The following ALK variants were observed in gnomAD, a reference collection of about 807,000 sequenced individuals.
ALK encodes ALK receptor tyrosine kinase.
A neutral mutation model predicts 163.1 loss-of-function variants in ALK; 74 were observed. The observed-to-expected ratio is 0.45, with a 90% CI of 0.38 to 0.55. ALK has a LOEUF of 0.55. Among genes scored for constraint, ALK ranks in the 20% least tolerant of loss-of-function variants. ALK has a pLI of 0.00. For missense variants in ALK, 2,063 were observed against 2,105.3 expected (o/e 0.98, Z 0.39); for synonymous variants, 960 against 843.2 (o/e 1.14, Z -2.40).
chr2:29,290,474 G>T (rs1331229439), intron 9 of ALK, among the ~76,000 whole-genome samples: 1 of 152,126 alleles, frequency 6.6e-6, no homozygotes, highest in Non-Finnish European at 1.5e-5. Context: ...AGTTAGAGGC[G>T]GAGCAGTTAC....
chr2:29,612,564 G>C lies in ALK; in HGVS notation c.953-80448C>G, dbSNP rs547590262. 2.6e-5 allele frequency among the ~76,000 whole-genome samples: 4 copies of C among 152,262 alleles called. No homozygotes were observed. The South Asian group carries it at 8.3e-4, about 32-fold the overall frequency. The stretch of plus-strand genomic sequence containing the variant: ...CCTACCCAGAAGAGAGTTCTCCCTT[G>C]AGGTCATTCACTTTCCAATCAATGC... On this transcript the variant is annotated intron_variant, in intron 3 of 28. Transcript: ENST00000389048.
At chr2:29,215,910 G>A (rs965240793) in intron 23 of ALK, among the ~76,000 whole-genome samples, 3 of 152,202 alleles carry the variant, frequency 2.0e-5, no homozygotes, top group Non-Finnish European at 4.4e-5. Context: ...GTCTCCCTGG[G>A]TTGTCAGGAG....
At chr2:29,618,040 C>T (rs1181802751) in intron 3 of ALK, among the ~76,000 whole-genome samples, 1 of 152,152 alleles carries the variant, frequency 6.6e-6, no homozygotes, top group Non-Finnish European at 1.5e-5. Flanking sequence ...TGGCACATCC[C>T]TCCGTAGCTT....
intron 1 of ALK, among the ~76,000 whole-genome samples, chr2:29,783,755 G>A (rs1461504176): frequency 6.6e-6 from 1 of 152,176 alleles, no homozygotes; most frequent in Non-Finnish European, 1.5e-5. Context: ...CCTTTAGGGA[G>A]ACAAAGAACT....
chr2:29,333,244 C>T (rs1667503553), intron 5 of ALK, among the ~76,000 whole-genome samples: 1 of 152,112 alleles, frequency 6.6e-6, no homozygotes, highest in South Asian at 2.1e-4. Flanking sequence ...GCCTCCCAGG[C>T]AGCTGGGATT....
intron 2 of ALK, among the ~76,000 whole-genome samples, chr2:29,714,899 C>G (rs1203957816): frequency 6.6e-6 from 1 of 152,210 alleles, no homozygotes. Flanking sequence ...GGACCAGACT[C>G]TTGGCCTTAG....
At chr2:29,709,760 AG>A (rs2148301007) in intron 2 of ALK, among the ~76,000 whole-genome samples, 1 of 152,284 alleles carries the variant, frequency 6.6e-6, no homozygotes, top group Non-Finnish European at 1.5e-5. Flanking sequence ...GGTATCCAAA[AG>A]GAAGCTCTAT....
intron 5 of ALK, among the ~76,000 whole-genome samples, chr2:29,360,487 C>T (rs1180678778): frequency 6.6e-6 from 1 of 152,190 alleles, no homozygotes; most frequent in African/African-American, 2.4e-5. Flanking sequence ...AAGGCTCGTC[C>T]TGCCCACGAT....
intron 1 of ALK, among the ~76,000 whole-genome samples, chr2:29,906,415 AT>A: frequency 6.6e-6 from 1 of 152,290 alleles, no homozygotes; most frequent in Non-Finnish European, 1.5e-5. Flanking sequence ...TGAATTAATG[AT>A]TTTTTAAAGA....
chr2:29,510,412 GCC>G (rs1331617385), intron 4 of ALK, among the ~76,000 whole-genome samples: 1 of 151,998 alleles, frequency 6.6e-6, no homozygotes, highest in East Asian at 1.9e-4. Context: ...ATAAAACATG[GCC>G]CCAAAATAGA....
intron 9 of ALK, among the ~76,000 whole-genome samples, chr2:29,292,937 C>A (rs1666076545): frequency 6.6e-6 from 1 of 152,154 alleles, no homozygotes; most frequent in African/African-American, 2.4e-5. Flanking sequence ...GACTAGAGCC[C>A]TTTTCTCTCA....
intron 26 of ALK, among the ~76,000 whole-genome samples, chr2:29,198,218 T>C (rs951525948): frequency 3.3e-5 from 5 of 152,230 alleles, no homozygotes; most frequent in African/African-American, 1.2e-4. Context: ...TCATAGTCTC[T>C]TACAGTTCTC....
chr2:29,671,207 C>T (rs759409484), intron 3 of ALK, among the ~76,000 whole-genome samples: 19 of 152,074 alleles, frequency 1.2e-4, no homozygotes, highest in Non-Finnish European at 2.4e-4. Context: ...CTAAGTAGCA[C>T]GTGAAGCCCA....
At chr2:29,590,473 T>A (rs1404012832) in intron 3 of ALK, among the ~76,000 whole-genome samples, 1 of 152,162 alleles carries the variant, frequency 6.6e-6, no homozygotes, top group Non-Finnish European at 1.5e-5. Context: ...GGCACGTCTG[T>A]GTCCTCGTTT....
intron 3 of ALK, among the ~76,000 whole-genome samples, chr2:29,649,440 A>G (rs1317355099): frequency 6.6e-6 from 1 of 152,142 alleles, no homozygotes; most frequent in African/African-American, 2.4e-5. Context: ...TTTATGAAAA[A>G]TTCAAAGCCA....
intron 1 of ALK, among the ~76,000 whole-genome samples, chr2:29,757,060 C>T (rs1680557736): frequency 6.6e-6 from 1 of 152,114 alleles, no homozygotes; most frequent in Non-Finnish European, 1.5e-5. Flanking sequence ...TACAGTTGAG[C>T]AGGATCCTTT....
chr2:29,564,141 C>T (rs1300412878), intron 3 of ALK, among the ~76,000 whole-genome samples: 2 of 152,174 alleles, frequency 1.3e-5, no homozygotes, highest in Admixed American at 1.3e-4. Flanking sequence ...TGTCTCTTGA[C>T]TTACTGGCTG....
chr2:29,837,181 G>A (rs1665584780), intron 1 of ALK, among the ~76,000 whole-genome samples: 1 of 152,142 alleles, frequency 6.6e-6, no homozygotes, highest in Non-Finnish European at 1.5e-5. Flanking sequence ...ATTTTCTGTA[G>A]GGAAACAGAT....
rs1669340613 is a variant in ALK, at chr2:29,207,396, G to A, written c.3837-124C>T. 5 of 768,082 alleles carry A rather than the reference G, an allele frequency of 6.5e-6. No homozygotes were observed. The South Asian group carries it at 7.3e-5, about 11-fold the overall frequency. 47.6% of individuals were successfully genotyped at this position (768,082 alleles called of 1,614,324 possible). A position where few individuals can be genotyped will look rare whatever the true frequency, so the allele number is the denominator to read the frequency against. On this transcript the variant is annotated intron_variant, in intron 25 of 28. Transcript: ENST00000389048. ...CCATTAAAGGTCTGAAATTAACCAT[G>A]AGTCCTTGGCGGTTCAGGAGGAGAG...
Sources: gnomAD v4.1 joint callset for allele counts (sites outside exome capture counted in the v4.1 genomes callset) on GRCh38, gnomAD v4.1.1 for gene constraint, MANE v1.5 for transcripts, NCBI Gene and HGNC (gene_info 2026-07-23, HGNC 2026-07-21) for gene names.